The following PTAFR variants were observed in gnomAD, a reference collection of about 807,000 sequenced individuals.
The protein encoded by PTAFR is platelet-activating factor receptor.
Under a neutral mutation model 14.7 loss-of-function variants are expected in PTAFR, and 8 were observed. The observed-to-expected ratio is 0.54, with a 90% CI of 0.32 to 0.98. The LOEUF is 0.98. Among genes scored for constraint, PTAFR ranks in the 50% least tolerant of loss-of-function variants. The pLI, the probability that PTAFR is intolerant of heterozygous loss-of-function variation, is 0.04. For synonymous variants in PTAFR, 156 were observed against 176.5 expected, an observed-to-expected ratio of 0.88 and a Z score of 0.92; for missense variants, 337 against 451.2, an observed-to-expected ratio of 0.75 and a Z score of 2.29.
intron 1 of PTAFR, among the ~76,000 whole-genome samples, chr1:28,166,815 C>G (rs958000535): frequency 6.6e-6 from 1 of 152,122 alleles, no homozygotes; most frequent in East Asian, 1.9e-4. Context: ...TGTTTCTACA[C>G]AAAATTTAAA....
Position 28,149,921 on chromosome 1 carries a change from A to G in PTAFR, c.*72T>C, listed in dbSNP as rs1476317100. ...ACAGAGGTGGTGCCCAGACCACAGTAGATATCCCTTCTTCCCCCAGCTCAG... is the reference window on the plus strand; with the variant it reads ...ACAGAGGTGGTGCCCAGACCACAGTGGATATCCCTTCTTCCCCCAGCTCAG... On this transcript the variant is annotated 3_prime_UTR_variant, in exon 2 of 2. Coordinates refer to ENST00000373857, the MANE Select transcript of PTAFR (RefSeq NM_000952.5). The G allele has an allele frequency of 6.5e-7, 1 of 1,533,974 alleles. No individual in the cohort carries two copies. The highest frequency in any genetic ancestry group is 1.9e-5 in the Admixed American group (1 of 52,722).
At chr1:28,178,763 C>G (rs1025734703), upstream of PTAFR, among the ~76,000 whole-genome samples, 12 of 152,102 alleles carry the variant, frequency 7.9e-5, no homozygotes, top group Non-Finnish European at 1.2e-4. Context: ...TGCACACTCA[C>G]GCCCAGTCTC....
chr1:28,190,072 A>G (rs1646639547), intron 1 of PTAFR, among the ~76,000 whole-genome samples: 1 of 152,076 alleles, frequency 6.6e-6, no homozygotes, highest in African/African-American at 2.4e-5. Context: ...TCCCAGGTTC[A>G]AGCGATTCTC....
At chr1:28,177,990 C>T (rs1646531787), upstream of PTAFR, among the ~76,000 whole-genome samples, 1 of 152,070 alleles carries the variant, frequency 6.6e-6, no homozygotes, top group South Asian at 2.1e-4. Flanking sequence ...ATCTGAGCAC[C>T]CCCAGGCACC....
At chr1:28,156,712 A>G (rs1003750297) in intron 1 of PTAFR, among the ~76,000 whole-genome samples, 5 of 152,226 alleles carry the variant, frequency 3.3e-5, no homozygotes, top group South Asian at 2.1e-4. Context: ...GAAGACTTGA[A>G]TACTGCTGCT....
intron 1 of PTAFR, among the ~76,000 whole-genome samples, chr1:28,166,800 G>C (rs926717982): frequency 2.0e-5 from 3 of 152,052 alleles, no homozygotes; most frequent in African/African-American, 7.2e-5. Flanking sequence ...AACGTAGCAA[G>C]ATCTTGTTTC....
intron 1 of PTAFR, among the ~76,000 whole-genome samples, chr1:28,189,549 G>A (rs901119980): frequency 3.3e-5 from 5 of 151,836 alleles, no homozygotes; most frequent in African/African-American, 1.2e-4. Flanking sequence ...GGAGGTGGAG[G>A]TTGCAGTGAG....
intron 1 of PTAFR, among the ~76,000 whole-genome samples, chr1:28,186,518 C>T (rs1230085281): frequency 6.6e-6 from 1 of 152,060 alleles, no homozygotes; most frequent in African/African-American, 2.4e-5. Context: ...AAGCAAAGCG[C>T]CAAGAGTAGC....
At chr1:28,158,329 G>A (rs755031769) in intron 1 of PTAFR, among the ~76,000 whole-genome samples, 9 of 152,306 alleles carry the variant, frequency 5.9e-5, no homozygotes, top group African/African-American at 1.4e-4. Context: ...AGGCAAAGGC[G>A]TACTTCATTC....
chr1:28,159,643 G>T (rs1209392814), intron 1 of PTAFR, among the ~76,000 whole-genome samples: 1 of 151,982 alleles, frequency 6.6e-6, no homozygotes, highest in Non-Finnish European at 1.5e-5. Context: ...TTCCAGACCA[G>T]CCTGGCCAAT....
Position 28,149,740 on chromosome 1 carries a change from G to T in PTAFR, c.*253C>A. ...TTCCTTCCGGCCCCATAAGATTAAG[G>T]GACTCAGGATAAAGTCATCAGTCAC... On this transcript the variant is annotated 3_prime_UTR_variant, in exon 2 of 2. Transcript: ENST00000373857. 2.1e-6 allele frequency: 1 copy of T among 479,604 alleles called. No homozygotes were observed. The allele number at this position is 479,604 out of a possible 1,614,324, so 29.7% of individuals were successfully genotyped here.
chr1:28,154,471 CA>C (rs542865730), intron 1 of PTAFR, among the ~76,000 whole-genome samples: 34 of 152,224 alleles, frequency 2.2e-4, no homozygotes, highest in Non-Finnish European at 4.4e-4. Context: ...TCGGGGTAGA[CA>C]GACAAAAGCA....
chr1:28,161,500 C>CT (rs1460943720), intron 1 of PTAFR, among the ~76,000 whole-genome samples: 6 of 151,362 alleles, frequency 4.0e-5, no homozygotes, highest in East Asian at 1.9e-4. Context: ...GGGTAGATGG[C>CT]TTTTTTTTTA....
At chr1:28,182,671 C>T (rs1340580919) in intron 1 of PTAFR, among the ~76,000 whole-genome samples, 1 of 151,924 alleles carries the variant, frequency 6.6e-6, no homozygotes, top group Admixed American at 6.6e-5. Flanking sequence ...TTTAAATGTA[C>T]TGTTGCACAT....
chr1:28,181,227 T>C (rs1251355180), upstream of PTAFR, among the ~76,000 whole-genome samples: 4 of 152,218 alleles, frequency 2.6e-5, no homozygotes, highest in Non-Finnish European at 4.4e-5. Context: ...TCTTGTACTC[T>C]TCCTTCTCTT....
At chr1:28,173,456 C>CAAACA (rs1359176950) in intron 1 of PTAFR, among the ~76,000 whole-genome samples, 1 of 151,654 alleles carries the variant, frequency 6.6e-6, no homozygotes, top group South Asian at 2.1e-4. Flanking sequence ...AACAAACAAA[C>CAAACA]AAACAAAACA....
intron 1 of PTAFR, among the ~76,000 whole-genome samples, chr1:28,170,726 C>T (rs1251945797): frequency 2.0e-5 from 3 of 147,700 alleles, no homozygotes; most frequent in East Asian, 4.1e-4. Context: ...AAGGGCCCGG[C>T]GCGGTGGCTC....
intron 1 of PTAFR, among the ~76,000 whole-genome samples, chr1:28,160,887 C>T (rs1646316190): frequency 6.6e-6 from 1 of 152,222 alleles, no homozygotes; most frequent in African/African-American, 2.4e-5. Flanking sequence ...TCCTGGCCCC[C>T]ATGTGACTCC....
chr1:28,191,695 C>G (rs914639386), intron 1 of PTAFR, among the ~76,000 whole-genome samples: 1 of 151,144 alleles, frequency 6.6e-6, no homozygotes, highest in Non-Finnish European at 1.5e-5. Flanking sequence ...CGTCTTTTCT[C>G]TATGTACTCT....
Sources: gnomAD v4.1 joint callset for allele counts (sites outside exome capture counted in the v4.1 genomes callset) on GRCh38, gnomAD v4.1.1 for gene constraint, MANE v1.5 for transcripts, NCBI Gene and HGNC (gene_info 2026-07-23, HGNC 2026-07-21) for gene names.